The following PHF24 variants were observed in gnomAD, a reference collection of about 807,000 sequenced individuals.
The protein encoded by PHF24 is Galpha inhibitory interacting protein.
Under a neutral mutation model 42.6 loss-of-function variants are expected in PHF24, and 25 were observed. That is an observed-to-expected ratio of 0.59 (90% CI 0.43 to 0.82). PHF24 has a LOEUF of 0.82. Ranked by LOEUF, PHF24 falls within the 40% of genes least tolerant of loss-of-function variation. The pLI is 0.00. For missense variants in PHF24, 470 were observed against 538.1 expected, an observed-to-expected ratio of 0.87 and a Z score of 1.25; for synonymous variants, 185 against 204.8, an observed-to-expected ratio of 0.90 and a Z score of 0.83.
the PHF24 span, among the ~76,000 whole-genome samples, chr9:34,705,829 T>G: frequency 6.6e-6 from 1 of 152,140 alleles, no homozygotes; most frequent in Non-Finnish European, 1.5e-5. Context: ...TTTGGGAGGC[T>G]GAGGCGGGTG....
the PHF24 span, chr9:34,689,691 C>A: frequency 9.2e-7 from 1 of 1,082,742 alleles, no homozygotes; most frequent in Non-Finnish European, 1.4e-6. This position sits in a 1 kb window ranked among gnomAD's most constrained non-coding sequence, Gnocchi z 4.1. Flanking sequence ...AGGCCCTGTC[C>A]TGGCTGGTCA....
chr9:34,674,725 G>A, the PHF24 span, among the ~76,000 whole-genome samples: 1 of 152,244 alleles, frequency 6.6e-6, no homozygotes, highest in Admixed American at 6.5e-5. Context: ...ATGCTTAAAC[G>A]ATTGTAGTGT....
At chr9:34,708,932 G>A in the PHF24 span, 1 of 172,364 alleles carries the variant, frequency 5.8e-6, no homozygotes, top group Non-Finnish European at 1.2e-5. Context: ...CTGAGCTTTC[G>A]GCTCAGAGTG....
At chr9:34,699,257 TACAA>T in the PHF24 span, among the ~76,000 whole-genome samples, 3 of 152,242 alleles carry the variant, frequency 2.0e-5, no homozygotes, top group Non-Finnish European at 4.4e-5. Flanking sequence ...AGATGTTCTC[TACAA>T]ACAGTTAACA....
At chr9:34,791,269 T>C in the PHF24 span, among the ~76,000 whole-genome samples, 1 of 152,108 alleles carries the variant, frequency 6.6e-6, no homozygotes, top group East Asian at 1.9e-4. Flanking sequence ...ACTGATGGAA[T>C]AGAACTGGTG....
At chr9:34,966,917 T>G (rs1216909516) in intron 1 of PHF24, among the ~76,000 whole-genome samples, 1 of 152,212 alleles carries the variant, frequency 6.6e-6, no homozygotes, top group African/African-American at 2.4e-5. Flanking sequence ...TCAATCATTT[T>G]TTTTTAATGT....
At chr9:34,709,720 C>T in the PHF24 span, 1 of 1,613,484 alleles carries the variant, frequency 6.2e-7, no homozygotes, top group Middle Eastern at 1.6e-4. Context: ...TAGTCTTGCC[C>T]ACCATGCCCT....
chr9:34,790,990 G>A, the PHF24 span, among the ~76,000 whole-genome samples: 3 of 152,336 alleles, frequency 2.0e-5, no homozygotes, highest in Admixed American at 6.5e-5. Flanking sequence ...GCTAGATAAT[G>A]TAGGGGCTTG....
the PHF24 span, among the ~76,000 whole-genome samples, chr9:34,780,143 C>T: frequency 3.6e-3 from 544 of 152,134 alleles, 7 homozygotes; most frequent in Middle Eastern, 0.037. Flanking sequence ...TTACCTTACA[C>T]GCTGTACAAA....
At chr9:34,973,716 A>G (rs1191711038) in intron 3 of PHF24, among the ~76,000 whole-genome samples, 2 of 152,196 alleles carry the variant, frequency 1.3e-5, no homozygotes, top group African/African-American at 2.4e-5. Flanking sequence ...ACCTGTCCCC[A>G]TGGAGTACAC....
At chr9:34,851,126 CA>C in the PHF24 span, among the ~76,000 whole-genome samples, 2 of 151,970 alleles carry the variant, frequency 1.3e-5, no homozygotes, top group Admixed American at 1.3e-4. Context: ...CTGCTCTCTT[CA>C]AAGCTGTCAG....
chr9:34,929,841 C>T, the PHF24 span, among the ~76,000 whole-genome samples: 2 of 152,224 alleles, frequency 1.3e-5, no homozygotes, highest in Admixed American at 6.5e-5. Context: ...ACTCTTCATC[C>T]TCTTTTTTCC....
the PHF24 span, chr9:34,835,853 C>A: frequency 1.6e-6 from 2 of 1,257,474 alleles, no homozygotes; most frequent in South Asian, 2.6e-5. Flanking sequence ...ATACTCTGCT[C>A]AAAGGATACA....
the PHF24 span, among the ~76,000 whole-genome samples, chr9:34,853,567 G>A: frequency 2.6e-5 from 4 of 151,386 alleles, no homozygotes; most frequent in Admixed American, 6.6e-5. Context: ...GGTGGCTCAC[G>A]CCTGTAATCC....
At chr9:34,719,984 G>A in the PHF24 span, among the ~76,000 whole-genome samples, 1 of 152,172 alleles carries the variant, frequency 6.6e-6, no homozygotes, top group African/African-American at 2.4e-5. Context: ...ACATATCCAT[G>A]TTTCTTCCCA....
the PHF24 span, among the ~76,000 whole-genome samples, chr9:34,826,901 A>G: frequency 6.6e-6 from 1 of 152,194 alleles, no homozygotes; most frequent in Non-Finnish European, 1.5e-5. Context: ...CCTGGGGAAG[A>G]TAGAACATGG....
At chr9:34,976,811 T>C (rs59821632) in intron 5 of PHF24, 71 bp downstream of exon 5, 22,246 of 1,361,486 alleles carry the variant, frequency 0.016, 979 homozygotes, top group African/African-American at 0.15. Context: ...GCTGGGCAGA[T>C]TGGGGGAGCA....
At chr9:34,784,721 A>G in the PHF24 span, among the ~76,000 whole-genome samples, 3 of 152,214 alleles carry the variant, frequency 2.0e-5, no homozygotes, top group Non-Finnish European at 4.4e-5. Context: ...AATGCTGCCC[A>G]ACTTTTCAGT....
At chr9:34,956,190 C>A (rs1293534129), upstream of PHF24, among the ~76,000 whole-genome samples, 1 of 152,168 alleles carries the variant, frequency 6.6e-6, no homozygotes, top group Non-Finnish European at 1.5e-5. Flanking sequence ...AGGGAAAGTA[C>A]TGTGTCTTAC....
Sources: gnomAD v4.1 joint callset for allele counts (sites outside exome capture counted in the v4.1 genomes callset) on GRCh38, gnomAD v4.1.1 for gene constraint, Gnocchi (gnomAD v3.1) non-coding constraint, MANE v1.5 for transcripts, NCBI Gene and HGNC (gene_info 2026-07-23, HGNC 2026-07-21) for gene names.